Variants in EFCC1 observed in about 807,000 individuals in gnomAD.
EFCC1 encodes EF-hand and coiled-coil domain containing 1, also known as EF-hand and coiled-coil domain-containing protein 1.
Under a neutral mutation model 52.1 loss-of-function variants are expected in EFCC1, and 50 were observed. That is an observed-to-expected ratio of 0.96 (90% CI 0.76 to 1.21). The LOEUF (loss-of-function observed/expected upper bound fraction) is 1.21. EFCC1 is among the 50% of genes most tolerant of loss of function. EFCC1 has a pLI of 0.00. For synonymous variants in EFCC1, 399 were observed against 396.5 expected, an observed-to-expected ratio of 1.01 and a Z score of -0.08; for missense variants, 837 against 867.3, an observed-to-expected ratio of 0.97 and a Z score of 0.44.
At chr3:129,025,464 G>C (rs1412914656) in intron 2 of EFCC1, among the ~76,000 whole-genome samples, 2 of 152,242 alleles carry the variant, frequency 1.3e-5, no homozygotes, top group African/African-American at 4.8e-5. Context: ...CATTGGGCTT[G>C]GCAGCCCAGT....
chr3:129,020,444 C>T (rs1453825517), intron 2 of EFCC1, among the ~76,000 whole-genome samples: 1 of 152,088 alleles, frequency 6.6e-6, no homozygotes, highest in Non-Finnish European at 1.5e-5. Context: ...CAAGATCAAC[C>T]TGGGCAACAT....
chr3:129,036,630 C>T (rs1946356838), intron 5 of EFCC1, among the ~76,000 whole-genome samples: 2 of 152,194 alleles, frequency 1.3e-5, no homozygotes, highest in Admixed American at 6.5e-5. Flanking sequence ...CAACCCTGTC[C>T]CATTCCTGAG....
intron 3 of EFCC1, 47 bp from the exon 4 acceptor site, chr3:129,032,772 G>A: frequency 6.5e-7 from 1 of 1,535,554 alleles, no homozygotes; most frequent in East Asian, 2.5e-5. Context: ...AGGGATGCCT[G>A]GTTCCCCACC....
At chr3:129,038,472 T>A (rs76323886) in intron 6 of EFCC1, among the ~76,000 whole-genome samples, 3,519 of 152,392 alleles carry the variant, frequency 0.023, 68 homozygotes, top group Middle Eastern at 0.065. Context: ...CATTGCTTTT[T>A]TCTGCTGGTT....
intron 5 of EFCC1, among the ~76,000 whole-genome samples, chr3:129,036,095 T>A (rs1174777081): frequency 6.6e-6 from 1 of 152,244 alleles, no homozygotes. Flanking sequence ...GTCATAGCCC[T>A]GTGGCTGGGG....
chr3:129,020,198 C>T (rs1348420702), intron 2 of EFCC1, among the ~76,000 whole-genome samples: 2 of 152,040 alleles, frequency 1.3e-5, no homozygotes, highest in Non-Finnish European at 2.9e-5. Context: ...AAATGAGAAA[C>T]AGAAAAGGAA....
At chr3:129,015,745 G>A (rs965858644) in intron 2 of EFCC1, among the ~76,000 whole-genome samples, 8 of 152,016 alleles carry the variant, frequency 5.3e-5, no homozygotes, top group African/African-American at 1.7e-4. Context: ...CACCCCTTGT[G>A]ATTTATTTTC....
intron 2 of EFCC1, among the ~76,000 whole-genome samples, chr3:129,028,678 C>G (rs1195324273): frequency 6.6e-6 from 1 of 151,054 alleles, no homozygotes; most frequent in African/African-American, 2.4e-5. Context: ...GAGTCTTGAT[C>G]TGTCGTGAGG....
chr3:129,001,996 C>T lies in EFCC1; in HGVS notation c.368C>T (p.Ser123Leu). Residue 123 changes from serine to leucine, a missense_variant, in exon 1 of 8, where the codon TCA (serine) becomes TTA (leucine). Ser to Leu is a moderately radical substitution (Grantham distance 145). Coordinates refer to ENST00000683648, the MANE Select transcript of EFCC1 (RefSeq NM_001377500.1). ...GCTGAGTTGGCCACGGACGGGGACT[C>T]AGATACCGATGAAGAGGCGCGCCTG... is the stretch of plus-strand genomic sequence containing the variant. Reference protein sequence around the residue: ...AAAELATDGDSDTDEEARLAL... With the variant: ...AAAELATDGDLDTDEEARLAL... 2 of 1,546,010 alleles carry T rather than the reference C, an allele frequency of 1.3e-6. No homozygotes were observed. Among genetic ancestry groups the T allele is most frequent in the Non-Finnish European group, 8.7e-7 (1 of 1,145,244 alleles).
At chr3:129,036,939 G>C (rs1164726244) in intron 5 of EFCC1, 38 bp from the exon 6 acceptor site, 2 of 1,612,782 alleles carry the variant, frequency 1.2e-6, no homozygotes, top group African/African-American at 2.7e-5. Flanking sequence ...GGCTGGGAGA[G>C]GCCAGCAAAG....
At chr3:129,020,000 C>G (rs1261223506) in intron 2 of EFCC1, among the ~76,000 whole-genome samples, 3 of 151,984 alleles carry the variant, frequency 2.0e-5, no homozygotes, top group Non-Finnish European at 2.9e-5. Flanking sequence ...AACTCCTGAC[C>G]TCAGGTGATC....
intron 2 of EFCC1, among the ~76,000 whole-genome samples, chr3:129,027,320 C>T (rs1350154110): frequency 2.0e-5 from 3 of 152,150 alleles, no homozygotes; most frequent in African/African-American, 4.8e-5. Context: ...CTGCAGGGGG[C>T]CCCGGCGCCC....
At chr3:129,011,698 C>T (rs1041384284) in intron 2 of EFCC1, among the ~76,000 whole-genome samples, 4 of 152,058 alleles carry the variant, frequency 2.6e-5, no homozygotes, top group African/African-American at 7.2e-5. Flanking sequence ...GTCGAGGTGG[C>T]TGATCAGTGG....
intron 2 of EFCC1, 23 bp from the exon 3 acceptor site, chr3:129,030,680 C>G: frequency 6.5e-7 from 1 of 1,549,364 alleles, no homozygotes; most frequent in South Asian, 1.2e-5. Flanking sequence ...TCCTCAATGC[C>G]TGTGTCTCTC....
At position 129,003,944 on chromosome 3, in the gene EFCC1, C is replaced by G. The variant is rs756652417; in HGVS notation, c.847C>G (p.Arg283Gly). 1.1e-5 allele frequency: 15 copies of G among 1,405,546 alleles called. 1 individual carries two copies. The South Asian group carries it at 2.2e-4, about 21-fold the overall frequency. The allele number at this position is 1,405,546 out of a possible 1,614,324, so 87.1% of individuals were successfully genotyped here. A position where few individuals can be genotyped will look rare whatever the true frequency, so the allele number is the denominator to read the frequency against. Residue 283 changes from arginine to glycine, a missense_variant, in exon 2 of 8, where the codon CGG (arginine) becomes GGG (glycine). Arg to Gly is a moderately radical substitution (Grantham distance 125, BLOSUM62 -2). Transcript: ENST00000683648. ...RLRRGQAEVRRRAEEARQVVL... is the reference protein window; with the variant it reads ...RLRRGQAEVRGRAEEARQVVL... ...GCGCCGTGGCCAGGCCGAGGTGCGG[C>G]GGCGCGCGGAGGAGGCCCGGCAGGT...
Position 129,032,838 on chromosome 3 carries a change from C to G in EFCC1, c.1158C>G (p.Phe386Leu), listed in dbSNP as rs759776001. ...CCCCAGCAGTGGACGAGCAGCTGTTCCGCTCCGTGGAGGGCCAGGCCGCCT... is the reference window on the plus strand; with the variant it reads ...CCCCAGCAGTGGACGAGCAGCTGTTGCGCTCCGTGGAGGGCCAGGCCGCCT... ...ALDEAVDEQL[F>L]RSVEGQAASD... Residue 386 changes from phenylalanine to leucine, a missense_variant, in exon 4 of 8, where the codon TTC (phenylalanine) becomes TTG (leucine). Coordinates refer to ENST00000683648, the MANE Select transcript of EFCC1 (RefSeq NM_001377500.1). 1.7e-5 allele frequency: 27 copies of G among 1,551,274 alleles called. No homozygotes were observed. The highest frequency in any genetic ancestry group is 2.1e-5 in the Non-Finnish European group (24 of 1,146,932).
chr3:129,024,240 GA>G (rs1017670643), intron 2 of EFCC1, among the ~76,000 whole-genome samples: 2 of 152,040 alleles, frequency 1.3e-5, no homozygotes, highest in Non-Finnish European at 2.9e-5. Context: ...ATAAAGAAAA[GA>G]AATTTGGGGC....
rs1944762022 is a variant in EFCC1, at chr3:129,001,683, C to T, written c.55C>T (p.Pro19Ser). The T allele has an allele frequency of 3.4e-6, 5 of 1,480,192 alleles. No individual in the cohort carries two copies. The highest frequency in any genetic ancestry group is 1.3e-5 in the South Asian group (1 of 76,110). 91.7% of individuals were successfully genotyped at this position (1,480,192 alleles called of 1,614,324 possible). The change falls in exon 1 of 8, where the codon CCG becomes TCG. Residue 19 changes from proline (P) to serine (S), a missense_variant. By Grantham distance (74) the Pro-to-Ser change is moderately conservative. Coordinates refer to ENST00000683648, the MANE Select transcript of EFCC1 (RefSeq NM_001377500.1). ...CGGCATGGAGGGCGCGGGAGGTGACCCGTACCGGCGACCTGCGCGGCGCAC... is the reference window on the plus strand; with the variant it reads ...CGGCATGGAGGGCGCGGGAGGTGACTCGTACCGGCGACCTGCGCGGCGCAC... ...EAGMEGAGGD[P>S]YRRPARRTQW...
At chr3:129,008,717 G>T (rs532138304) in intron 2 of EFCC1, among the ~76,000 whole-genome samples, 2 of 152,304 alleles carry the variant, frequency 1.3e-5, no homozygotes, top group African/African-American at 4.8e-5. Context: ...GGAGTTGCAG[G>T]TGAAATAGAA....
Sources: allele counts gnomAD v4.1 joint callset (sites outside exome capture counted in the v4.1 genomes callset), GRCh38; gene constraint gnomAD v4.1.1; transcripts MANE v1.5; gene names NCBI Gene and HGNC (gene_info 2026-07-23, HGNC 2026-07-21).